MPDZ: variants seen among roughly 807,000 people sequenced by gnomAD.
The protein encoded by MPDZ is multiple PDZ domain protein.
A neutral mutation model predicts 239.1 loss-of-function variants in MPDZ; 234 were observed. The ratio of observed to expected loss-of-function variants is 0.98; its 90% CI spans 0.88 to 1.09. MPDZ has a LOEUF of 1.09. Among genes scored for constraint, MPDZ ranks in the 50% least tolerant of loss-of-function variants. The pLI, the probability that MPDZ is intolerant of heterozygous loss-of-function variation, is 0.00. For missense variants in MPDZ, 3,175 were observed against 2,510.0 expected (o/e 1.26, Z -5.66); for synonymous variants, 1,048 against 881.3 (o/e 1.19, Z -3.35).
intron 12 of MPDZ, among the ~76,000 whole-genome samples, chr9:13,198,879 T>C (rs898923044): frequency 1.3e-5 from 2 of 151,640 alleles, no homozygotes; most frequent in Admixed American, 1.3e-4. Context: ...CTATTTGGAG[T>C]CATTTGTGGG....
rs751450672 is a variant in MPDZ, at chr9:13,222,287, G to A, written c.693C>T (p.Pro231=). 8 of 1,612,784 alleles carry A rather than the reference G, an allele frequency of 5.0e-6. No individual in the cohort carries two copies. The African/African-American group carries it at 1.1e-4, about 22-fold the overall frequency. Residue 231 remains proline (P), a synonymous_variant, in exon 6 of 47, where the codon CCC becomes CCT. Coordinates refer to ENST00000319217, the MANE Select transcript of MPDZ (RefSeq NM_001378778.1). ...ARGSLPQLVS[P]IVSRSPSAAS... The stretch of plus-strand genomic sequence containing the variant: ...CTGCAGATGGAGAACGGGAAACTAT[G>A]GGGCTGACAAGCTGAGGCAATGAGC...
rs1958458630 is a variant in MPDZ at position 13,217,199 on chromosome 9, G to A, written c.1182C>T (p.Tyr394=). 6.3e-7 allele frequency: 1 copy of A among 1,591,752 alleles called. No homozygotes were observed. Among genetic ancestry groups the A allele is most frequent in the Non-Finnish European group, 8.5e-7 (1 of 1,169,704 alleles). ...AATTACCCAATTTTTTATCTCCAAT[G>A]TAGCCAGCAATGGTAATTCCTAATC... is the stretch of plus-strand genomic sequence containing the variant. ...VQGLGITIAG[Y]IGDKKLEPSG... is the part of the protein sequence containing the mutation. Residue 394 remains tyrosine (Y), a synonymous_variant, in exon 9 of 47, where the codon TAC becomes TAT. Coordinates refer to ENST00000319217, the MANE Select transcript of MPDZ (RefSeq NM_001378778.1).
intron 12 of MPDZ, among the ~76,000 whole-genome samples, chr9:13,197,311 G>A (rs1435547460): frequency 6.6e-6 from 1 of 151,942 alleles, no homozygotes; most frequent in Non-Finnish European, 1.5e-5. Context: ...TTATTTGTTT[G>A]TTTTTAAATT....
At chr9:13,246,294 T>C (rs1046338554) in intron 3 of MPDZ, among the ~76,000 whole-genome samples, 51 of 152,090 alleles carry the variant, frequency 3.4e-4, no homozygotes, top group African/African-American at 1.2e-3. Flanking sequence ...ATACAAAAAT[T>C]AGCTGGGCGT....
intron 10 of MPDZ, among the ~76,000 whole-genome samples, chr9:13,215,347 G>GAT (rs956415454): frequency 4.3e-4 from 65 of 149,502 alleles, no homozygotes; most frequent in African/African-American, 1.5e-3. Flanking sequence ...ATCACATTTT[G>GAT]ATATATATAT....
chr9:13,234,818 T>C (rs1588007892), intron 3 of MPDZ, among the ~76,000 whole-genome samples: 2 of 4,894 alleles, frequency 4.1e-4, no homozygotes, highest in East Asian at 0.33. Flanking sequence ...AAATGCAGAA[T>C]TTTTTTTTTT....
chr9:13,153,327 T>G (rs1949431975), intron 24 of MPDZ, among the ~76,000 whole-genome samples: 1 of 152,180 alleles, frequency 6.6e-6, no homozygotes, highest in South Asian at 2.1e-4. Flanking sequence ...CCATGATCCT[T>G]GATCTTATAA....
At chr9:13,277,920 A>C (rs1342055651) in intron 1 of MPDZ, among the ~76,000 whole-genome samples, 1 of 152,182 alleles carries the variant, frequency 6.6e-6, no homozygotes, top group Non-Finnish European at 1.5e-5. Flanking sequence ...TCAGGTGCTA[A>C]GGCATACATT....
chr9:13,188,176 C>T (rs1294565692), intron 17 of MPDZ, among the ~76,000 whole-genome samples: 1 of 152,104 alleles, frequency 6.6e-6, no homozygotes, highest in Admixed American at 6.6e-5. Context: ...AAGCCATATT[C>T]ATTTGAAAAT....
At chr9:13,190,058 T>C in intron 16 of MPDZ, 56 bp downstream of exon 16, 1 of 1,490,216 alleles carries the variant, frequency 6.7e-7, no homozygotes, top group Non-Finnish European at 9.2e-7. Context: ...TCATCTGCTT[T>C]TTCTTTGATA....
At chr9:13,121,611 G>A in intron 38 of MPDZ, 128 bp downstream of exon 38, 10 of 897,764 alleles carry the variant, frequency 1.1e-5, no homozygotes, top group Non-Finnish European at 1.7e-5. Flanking sequence ...CTTAGTGAGG[G>A]GGCTAACAAC....
chr9:13,151,384 A>T (rs1412599700), intron 24 of MPDZ, among the ~76,000 whole-genome samples: 1 of 152,180 alleles, frequency 6.6e-6, no homozygotes, highest in Admixed American at 6.6e-5. Context: ...GTCAAGAGGT[A>T]GAAGCAAACC....
intron 12 of MPDZ, 33 bp from the exon 13 acceptor site, chr9:13,196,263 A>C (rs1216807769): frequency 7.0e-7 from 1 of 1,434,686 alleles, no homozygotes; most frequent in Non-Finnish European, 9.6e-7. Flanking sequence ...GTTAGCAGCA[A>C]ACTACAGAAA....
chr9:13,218,179 T>G (rs1958613396), intron 8 of MPDZ, among the ~76,000 whole-genome samples: 1 of 151,850 alleles, frequency 6.6e-6, no homozygotes, highest in African/African-American at 2.4e-5. Context: ...TACAGTAAAG[T>G]TTGATTTATT....
intron 22 of MPDZ, among the ~76,000 whole-genome samples, chr9:13,166,969 A>G (rs1951163023): frequency 6.6e-6 from 1 of 152,140 alleles, no homozygotes; most frequent in Admixed American, 6.6e-5. Context: ...GCTAGTACCA[A>G]GTACTAATTC....
chr9:13,115,896 G>C (rs1180697011), intron 39 of MPDZ, among the ~76,000 whole-genome samples: 3 of 132,950 alleles, frequency 2.3e-5, no homozygotes, highest in Non-Finnish European at 4.6e-5. Flanking sequence ...AGTGAGCCAA[G>C]ATCATGCCAC....
chr9:13,245,124 A>T (rs1222500956), intron 3 of MPDZ, among the ~76,000 whole-genome samples: 5 of 151,948 alleles, frequency 3.3e-5, no homozygotes, highest in African/African-American at 1.2e-4. Context: ...GAATTCATTA[A>T]TTATTAAATT....
rs762508950 is a variant in MPDZ, at chr9:13,123,251, T to G, written c.4855A>C (p.Thr1619Pro). The G allele has an allele frequency of 6.2e-7, 1 of 1,613,282 alleles. No homozygotes were observed. The highest frequency in any genetic ancestry group is 8.5e-7 in the Non-Finnish European group (1 of 1,179,726). Reference sequence around the variant, plus strand: ...TCGCAGCCAGGGATAATGGGGCAGGTTGCAGGATCAGAAGCAAAAATTGCT... The same window carrying G: ...TCGCAGCCAGGGATAATGGGGCAGGGTGCAGGATCAGAAGCAAAAATTGCT... ...TPAIFASDPA[T>P]CPIIPGCETT... The change falls in exon 36 of 47, where the codon ACC becomes CCC. Residue 1619 changes from threonine to proline, a missense_variant. Thr to Pro is a conservative substitution (Grantham distance 38, BLOSUM62 -1). Transcript: ENST00000319217.
At chr9:13,211,812 G>C (rs1957652939) in intron 10 of MPDZ, among the ~76,000 whole-genome samples, 1 of 152,016 alleles carries the variant, frequency 6.6e-6, no homozygotes, top group Admixed American at 6.6e-5. Context: ...TGCTATTTAA[G>C]TATAAATACA....
Sources: allele counts gnomAD v4.1 joint callset (sites outside exome capture counted in the v4.1 genomes callset), GRCh38; gene constraint gnomAD v4.1.1; transcripts MANE v1.5; gene names NCBI Gene and HGNC (gene_info 2026-07-23, HGNC 2026-07-21).